Variants in KCNH5 observed in about 807,000 individuals in gnomAD.
The protein encoded by KCNH5 is voltage-gated delayed rectifier potassium channel KCNH5.
A neutral mutation model predicts 96.1 loss-of-function variants in KCNH5; 46 were observed. The ratio of observed to expected loss-of-function variants is 0.48; its 90% CI spans 0.38 to 0.61. The LOEUF (loss-of-function observed/expected upper bound fraction) is 0.61, where lower values mean the gene tolerates loss of function less well. Among genes scored for constraint, KCNH5 ranks in the 20% least tolerant of loss-of-function variants. The pLI, the probability that KCNH5 is intolerant of heterozygous loss-of-function variation, is 0.00. For synonymous variants in KCNH5, 439 were observed against 449.8 expected, an observed-to-expected ratio of 0.98 and a Z score of 0.30; for missense variants, 907 against 1,225.8, an observed-to-expected ratio of 0.74 and a Z score of 3.88.
intron 8 of KCNH5, among the ~76,000 whole-genome samples, chr14:62,815,189 G>C (rs936814294): frequency 3.3e-5 from 5 of 152,134 alleles, no homozygotes; most frequent in Non-Finnish European, 7.3e-5. Context: ...TGATACAAAA[G>C]AGTATACTCT....
At chr14:62,775,839 T>C (rs976501699) in intron 10 of KCNH5, among the ~76,000 whole-genome samples, 7 of 152,218 alleles carry the variant, frequency 4.6e-5, no homozygotes, top group Non-Finnish European at 8.8e-5. Context: ...ACAATCTTCC[T>C]CATTTCTTTA....
chr14:62,902,719 CTT>C (rs34264011), intron 7 of KCNH5, among the ~76,000 whole-genome samples: 114 of 144,810 alleles, frequency 7.9e-4, no homozygotes, highest in African/African-American at 2.4e-3. Context: ...ATATCTATGT[CTT>C]TTTTTTTTTT....
At chr14:62,782,099 G>A (rs1459428040) in intron 9 of KCNH5, among the ~76,000 whole-genome samples, 1 of 152,186 alleles carries the variant, frequency 6.6e-6, no homozygotes, top group African/African-American at 2.4e-5. Flanking sequence ...TCCCGCAACA[G>A]ACCTTGTCTC....
chr14:62,736,691 C>T (rs1264657119), intron 10 of KCNH5, among the ~76,000 whole-genome samples: 1 of 152,140 alleles, frequency 6.6e-6, no homozygotes, highest in Non-Finnish European at 1.5e-5. Flanking sequence ...TTCTGTTAAG[C>T]CCCCTCACCC....
At chr14:62,973,283 C>G (rs576316378) in intron 6 of KCNH5, among the ~76,000 whole-genome samples, 1 of 152,278 alleles carries the variant, frequency 6.6e-6, no homozygotes, top group African/African-American at 2.4e-5. Context: ...CTGTGAATCA[C>G]AGTGAAAAGA....
intron 10 of KCNH5, among the ~76,000 whole-genome samples, chr14:62,716,626 G>A (rs993931079): frequency 6.6e-5 from 10 of 152,098 alleles, no homozygotes; most frequent in African/African-American, 2.4e-4. Flanking sequence ...TTCTTTATAA[G>A]GTAGTTCTAG....
intron 7 of KCNH5, among the ~76,000 whole-genome samples, chr14:62,911,282 C>CTTT (rs547182329): frequency 7.4e-6 from 1 of 134,990 alleles, no homozygotes; most frequent in Non-Finnish European, 1.6e-5. Context: ...TTTTTTTTTT[C>CTTT]TTTTTTTTTT....
At chr14:63,031,685 A>G (rs963178395) in intron 1 of KCNH5, among the ~76,000 whole-genome samples, 1 of 152,212 alleles carries the variant, frequency 6.6e-6, no homozygotes, top group Non-Finnish European at 1.5e-5. Context: ...CATGAGGACT[A>G]CAGTTACTAA....
chr14:62,753,430 G>C (rs540694822), intron 10 of KCNH5, among the ~76,000 whole-genome samples: 9 of 152,200 alleles, frequency 5.9e-5, no homozygotes, highest in Non-Finnish European at 2.9e-5. Flanking sequence ...AAAATTTAAA[G>C]GGATAATAAC....
chr14:63,017,552 TAA>T (rs964729173), intron 1 of KCNH5, among the ~76,000 whole-genome samples: 24 of 151,886 alleles, frequency 1.6e-4, no homozygotes, highest in African/African-American at 5.5e-4. Context: ...GTATTCCAAA[TAA>T]AAGAGATATT....
chr14:62,886,577 G>T (rs1428627223), intron 7 of KCNH5, among the ~76,000 whole-genome samples: 1 of 152,174 alleles, frequency 6.6e-6, no homozygotes, highest in African/African-American at 2.4e-5. Context: ...CATATGCTAT[G>T]TGAAATTCTT....
At chr14:62,725,415 C>T (rs773422923) in intron 10 of KCNH5, among the ~76,000 whole-genome samples, 4 of 152,108 alleles carry the variant, frequency 2.6e-5, no homozygotes, top group Non-Finnish European at 5.9e-5. Flanking sequence ...GAGTTTTTGC[C>T]ATTTTCTAAA....
chr14:62,969,576 G>A (rs866560790), intron 6 of KCNH5, among the ~76,000 whole-genome samples: 1 of 151,724 alleles, frequency 6.6e-6, no homozygotes, highest in South Asian at 2.1e-4. Context: ...ACACACACTG[G>A]GGCCTGATGG....
intron 3 of KCNH5, among the ~76,000 whole-genome samples, chr14:63,003,551 T>A (rs1594669972): frequency 9.4e-6 from 1 of 106,674 alleles, no homozygotes; most frequent in South Asian, 2.5e-4. Flanking sequence ...TTATATATAG[T>A]ATATATTATA....
intron 7 of KCNH5, among the ~76,000 whole-genome samples, chr14:62,916,143 G>A (rs866268108): frequency 1.3e-5 from 2 of 151,804 alleles, no homozygotes; most frequent in Non-Finnish European, 1.5e-5. Flanking sequence ...TAGTAGAGAC[G>A]GGGTTTTACC....
At chr14:62,763,881 A>G (rs998169955) in intron 10 of KCNH5, among the ~76,000 whole-genome samples, 5 of 152,178 alleles carry the variant, frequency 3.3e-5, no homozygotes, top group African/African-American at 1.2e-4. Flanking sequence ...TCAAAATTGA[A>G]TAAGTAATAA....
chr14:63,021,871 T>G (rs1180463352), intron 1 of KCNH5, among the ~76,000 whole-genome samples: 1 of 152,214 alleles, frequency 6.6e-6, no homozygotes, highest in African/African-American at 2.4e-5. Flanking sequence ...CTAGTTTTTT[T>G]GCAGGCTCAC....
chr14:62,707,761 G>T lies in KCNH5; in HGVS notation c.2714C>A (p.Ala905Asp). The change falls in exon 11 of 11, where the codon GCC becomes GAC. Residue 905 changes from alanine to aspartate, a missense_variant. Ala to Asp is a moderately radical substitution (Grantham distance 126). Around this residue, in one of 6 missense-constraint regions of KCNH5, gnomAD observed 362 missense variants for 394.4 expected, o/e 0.92. Coordinates refer to ENST00000322893, the MANE Select transcript of KCNH5 (RefSeq NM_139318.5). ...GACTTCCTGCAGTGTGGTCTGTAAG[G>T]CCTGCTCGGGGATGGGATAAAAGGG... ...KHPFYPIPEQ[A>D]LQTTLQEVKH... 6.2e-7 allele frequency: 1 copy of T among 1,614,114 alleles called. No individual in the cohort carries two copies. The highest frequency in any genetic ancestry group is 8.5e-7 in the Non-Finnish European group (1 of 1,180,018).
Position 63,006,439 on chromosome 14 carries a change from G to T in KCNH5, c.231C>A (p.Thr77=). The stretch of plus-strand genomic sequence containing the variant: ...CAAAAGTTTGCCTGACTTTCTCAAT[G>T]GTCTTCTTGTCAGTCAATTCCCCAT... ...FMYGELTDKK[T]IEKVRQTFDN... The change falls in exon 3 of 11, where the codon ACC becomes ACA. Residue 77 remains threonine, a synonymous_variant. Transcript: ENST00000322893. 1 of 1,612,080 alleles carries T rather than the reference G, an allele frequency of 6.2e-7. No homozygotes were observed. Among genetic ancestry groups the T allele is most frequent in the Non-Finnish European group, 8.5e-7 (1 of 1,178,592 alleles).
Sources: gnomAD v4.1 joint callset for allele counts (sites outside exome capture counted in the v4.1 genomes callset) on GRCh38, gnomAD v4.1.1 for gene constraint, gnomAD v4.1.1 regional missense constraint, MANE v1.5 for transcripts, NCBI Gene and HGNC (gene_info 2026-07-23, HGNC 2026-07-21) for gene names.